The following ACSBG2 variants were observed in gnomAD, a reference collection of about 807,000 sequenced individuals.
ACSBG2 encodes the protein long-chain-fatty-acid--CoA ligase ACSBG2.
ACSBG2 carries 62 observed loss-of-function variants against 74.7 expected under a neutral mutation model. The ratio of observed to expected loss-of-function variants is 0.83; its 90% confidence interval spans 0.68 to 1.03. ACSBG2 has a LOEUF of 1.03. Ranked by LOEUF, ACSBG2 falls within the 50% of genes least tolerant of loss-of-function variation. ACSBG2 has a pLI of 0.00. For missense variants in ACSBG2, 730 were observed against 817.6 expected, an observed-to-expected ratio of 0.89 and a Z score of 1.31; for synonymous variants, 309 against 294.1, an observed-to-expected ratio of 1.05 and a Z score of -0.52.
chr19:6,149,738 C>T (rs1348165083), intron 3 of ACSBG2, among the ~76,000 whole-genome samples: 2 of 152,142 alleles, frequency 1.3e-5, no homozygotes, highest in East Asian at 1.9e-4. Context: ...GAACTTCTGA[C>T]CTGAAGAGAT....
chr19:6,183,024 C>T lies in ACSBG2; in HGVS notation c.1089-15C>T, dbSNP rs772500319. Reference sequence around the variant, plus strand: ...CCATCAGCCCTTCTCCACTTGACGGCATTCTTATTCACAGGAAATATAATA... The same window carrying T: ...CCATCAGCCCTTCTCCACTTGACGGTATTCTTATTCACAGGAAATATAATA... On this transcript the variant is annotated splice_polypyrimidine_tract_variant and intron_variant, in intron 9 of 14. Transcript: ENST00000588485. 1.9e-6 allele frequency: 3 copies of T among 1,613,618 alleles called. No individual in the cohort carries two copies. The East Asian group carries it at 6.7e-5, about 36-fold the overall frequency.
intron 8 of ACSBG2, among the ~76,000 whole-genome samples, chr19:6,182,441 T>C (rs896089593): frequency 1.3e-5 from 2 of 152,234 alleles, no homozygotes; most frequent in African/African-American, 2.4e-5. Context: ...TGCCTGAGTC[T>C]TTCCTTCAGC....
intron 8 of ACSBG2, among the ~76,000 whole-genome samples, chr19:6,179,159 C>T (rs1207800395): frequency 6.6e-6 from 1 of 152,174 alleles, no homozygotes; most frequent in East Asian, 1.9e-4. Flanking sequence ...CTTTTTCCCA[C>T]TCCTGGGTTG....
intron 7 of ACSBG2, 74 bp downstream of exon 7, chr19:6,166,089 G>A (rs1266350742): frequency 1.3e-6 from 2 of 1,580,824 alleles, no homozygotes; most frequent in Admixed American, 1.7e-5. Flanking sequence ...GGGGCAGGGT[G>A]GCATTCCAGG....
At chr19:6,172,525 GGACAGCTTCT>G (rs1344174004) in intron 7 of ACSBG2, among the ~76,000 whole-genome samples, 4 of 152,096 alleles carry the variant, frequency 2.6e-5, no homozygotes, top group Non-Finnish European at 4.4e-5. Context: ...CCATGGTTGT[GGACAGCTTCT>G]GTGCAGTGGC....
At chr19:6,154,597 T>C (rs183938570) in intron 4 of ACSBG2, among the ~76,000 whole-genome samples, 77 of 151,424 alleles carry the variant, frequency 5.1e-4, no homozygotes, top group African/African-American at 1.9e-3. Context: ...CTGCAACATC[T>C]GCCTCCCGGG....
At chr19:6,187,154 A>C in intron 11 of ACSBG2, 129 bp from the exon 12 acceptor site, 1 of 1,279,618 alleles carries the variant, frequency 7.8e-7, no homozygotes, top group Non-Finnish European at 1.1e-6. Flanking sequence ...ACAGGTGCAC[A>C]CCACCAAACC....
intron 1 of ACSBG2, among the ~76,000 whole-genome samples, chr19:6,141,031 T>TTTTATACTTTGGGGAAA (rs2088808834): frequency 6.6e-6 from 1 of 152,234 alleles, no homozygotes; most frequent in South Asian, 2.1e-4. Context: ...TTGGATGTAT[T>TTTTATACTTTGGGGAAA]GTCCACATCT....
chr19:6,152,807 C>T lies in ACSBG2; in HGVS notation c.386+1012C>T, dbSNP rs540531986. On this transcript the variant is annotated intron_variant, in intron 4 of 14. Transcript: ENST00000588485. Reference sequence around the variant, plus strand: ...AGTGTCCCACAGCTGTGGATTAAACCATGAGATGCCTTCTGGATGGGATTC... The same window carrying T: ...AGTGTCCCACAGCTGTGGATTAAACTATGAGATGCCTTCTGGATGGGATTC... Among the ~76,000 whole-genome samples the T allele has an allele frequency of 2.0e-5, 3 of 152,056 alleles. No homozygotes were observed. In the South Asian group the frequency reaches 6.3e-4, roughly 32 times the overall value.
intron 3 of ACSBG2, among the ~76,000 whole-genome samples, chr19:6,149,570 C>T (rs1428685306): frequency 2.0e-5 from 3 of 148,962 alleles, no homozygotes; most frequent in African/African-American, 2.5e-5. Flanking sequence ...TGCAGTGGCA[C>T]GATCTTGGCT....
In ACSBG2 at chr19:6,193,072, T is replaced by G. The variant is rs2090603806; in HGVS notation, c.*440T>G. On this transcript the variant is annotated 3_prime_UTR_variant, in exon 15 of 15. Coordinates refer to ENST00000588485, the MANE Select transcript of ACSBG2 (RefSeq NM_030924.5). ...GGGAAACCCTTCCAATAAGTCCTGA[T>G]AATAAAGCACTTCAGGGTCCCATGT... 6.6e-6 allele frequency: 1 copy of G among 152,256 alleles called. No homozygotes were observed. Among genetic ancestry groups the G allele is most frequent in the East Asian group, 1.9e-4 (1 of 5,204 alleles). The allele number at this position is 152,256 out of a possible 1,614,324, so 9.4% of individuals were successfully genotyped here.
chr19:6,141,471 C>T (rs188589646), intron 1 of ACSBG2, 42 bp from the exon 2 acceptor site: 65 of 1,006,240 alleles, frequency 6.5e-5, no homozygotes, highest in Admixed American at 1.7e-4. Context: ...CCTACAGCCC[C>T]TTTGCCAATC....
rs1261127085 is a variant in ACSBG2 at position 6,151,761 on chromosome 19, T to C, written c.352T>C (p.Trp118Arg). 1 of 1,602,506 alleles carries C rather than the reference T, an allele frequency of 6.2e-7. No individual in the cohort carries two copies. The highest frequency in any genetic ancestry group is 1.1e-5 in the South Asian group (1 of 88,790). ...TATCCTGGGGTTTAACTCTGCAGAG[T>C]GGTTTATCACTGCTGTTGGTGCCAT... ...VGILGFNSAE[W>R]FITAVGAILA... Residue 118 changes from tryptophan to arginine, a missense_variant, in exon 4 of 15, where the codon TGG becomes CGG. Physicochemically the swap from Trp to Arg is moderately radical, Grantham distance 101 (BLOSUM62 -3). Coordinates refer to ENST00000588485, the MANE Select transcript of ACSBG2 (RefSeq NM_030924.5).
chr19:6,188,582 C>T (rs972962148), intron 13 of ACSBG2, among the ~76,000 whole-genome samples: 1 of 152,146 alleles, frequency 6.6e-6, no homozygotes, highest in African/African-American at 2.4e-5. Flanking sequence ...GAGCCACAAT[C>T]ATGCCAGTGC....
At chr19:6,181,378 G>T (rs1600118660) in intron 8 of ACSBG2, among the ~76,000 whole-genome samples, 1 of 150,358 alleles carries the variant, frequency 6.7e-6, no homozygotes, top group Non-Finnish European at 1.5e-5. Flanking sequence ...AAGGAGAAAG[G>T]AAAAAAATTA....
intron 2 of ACSBG2, among the ~76,000 whole-genome samples, chr19:6,143,685 G>A (rs1312743903): frequency 6.6e-6 from 1 of 152,096 alleles, no homozygotes; most frequent in Non-Finnish European, 1.5e-5. Flanking sequence ...GGTCAGGAAG[G>A]CATGATAAGG....
intron 6 of ACSBG2, 123 bp downstream of exon 6, chr19:6,161,418 A>C: frequency 1.1e-5 from 9 of 854,488 alleles, no homozygotes; most frequent in African/African-American, 1.7e-5. Context: ...GGGAACTCTC[A>C]AAGGAAGTAG....
intron 5 of ACSBG2, among the ~76,000 whole-genome samples, chr19:6,158,725 T>C (rs891404998): frequency 6.6e-6 from 1 of 152,174 alleles, no homozygotes; most frequent in Non-Finnish European, 1.5e-5. Flanking sequence ...GATGGCATTC[T>C]CTGATCACTA....
intron 6 of ACSBG2, among the ~76,000 whole-genome samples, chr19:6,161,741 G>C (rs1053191905): frequency 6.6e-6 from 1 of 152,036 alleles, no homozygotes; most frequent in Non-Finnish European, 1.5e-5. Context: ...ATGCGTGGGG[G>C]CCTAGCAAAA....
Sources: gnomAD v4.1 joint callset for allele counts (sites outside exome capture counted in the v4.1 genomes callset) on GRCh38, gnomAD v4.1.1 for gene constraint, MANE v1.5 for transcripts, NCBI Gene and HGNC (gene_info 2026-07-23, HGNC 2026-07-21) for gene names.